Variants in EFHB observed in about 807,000 individuals in gnomAD.
EFHB encodes the protein EF-hand domain-containing family member B.
EFHB carries 91 observed loss-of-function variants against 87.2 expected under a neutral mutation model. The observed-to-expected ratio is 1.04, with a 90% confidence interval of 0.88 to 1.24. The LOEUF (loss-of-function observed/expected upper bound fraction) is 1.24. EFHB is among the 50% of genes most tolerant of loss of function. The probability of loss-of-function intolerance (pLI) is 0.00; values close to 1 mark genes in which losing one functional copy is unlikely to be tolerated. For missense variants in EFHB, 1,084 were observed against 998.8 expected (o/e 1.09, Z -1.15); for synonymous variants, 325 against 333.6 (o/e 0.97, Z 0.28).
At chr3:19,890,377 G>C (rs1482319183) in intron 9 of EFHB, among the ~76,000 whole-genome samples, 3 of 152,148 alleles carry the variant, frequency 2.0e-5, no homozygotes, top group Non-Finnish European at 4.4e-5. Flanking sequence ...AGTGGGGTGA[G>C]ATTCTCACAT....
intron 12 of EFHB, among the ~76,000 whole-genome samples, chr3:19,880,875 C>A (rs2071658387): frequency 6.7e-6 from 1 of 148,542 alleles, no homozygotes. Flanking sequence ...TAAAATGAAA[C>A]TAAATTTAAA....
intron 1 of EFHB, among the ~76,000 whole-genome samples, chr3:19,931,290 T>A (rs1313502368): frequency 6.6e-6 from 1 of 152,196 alleles, no homozygotes; most frequent in East Asian, 1.9e-4. Context: ...TCCTTGACAC[T>A]CTCTTTCTTG....
intron 5 of EFHB, among the ~76,000 whole-genome samples, chr3:19,910,786 G>A (rs1695037122): frequency 6.6e-6 from 1 of 152,202 alleles, no homozygotes; most frequent in Non-Finnish European, 1.5e-5. Context: ...GAAAGTAAAG[G>A]AAAAGAACAT....
At position 19,882,570 on chromosome 3, in the gene EFHB, T is replaced by A. The variant is rs1294921297; in HGVS notation, c.2308A>T (p.Lys770Ter). Reference protein sequence around the residue: ...RKGVFERDFFKTRSKEEIAEI... With the variant: ...RKGVFERDFF ...TATACCTCTTCTTTTGATCTGGTCT[T>A]GAAGAAGTCTCTTTCAAACACTCCT... is the stretch of plus-strand genomic sequence containing the variant. The change falls in exon 12 of 13, where the codon AAG becomes TAG. Residue 770 changes from lysine to a stop codon, truncating the protein, a stop_gained. Coordinates refer to ENST00000295824, the MANE Select transcript of EFHB (RefSeq NM_144715.4). LOFTEE classifies it high-confidence loss of function. The A allele has an allele frequency of 6.2e-7, 1 of 1,608,068 alleles. No homozygotes were observed. The highest frequency in any genetic ancestry group is 1.1e-5 in the South Asian group (1 of 90,016).
chr3:19,899,637 A>C, intron 6 of EFHB, 122 bp from the exon 7 acceptor site: 1 of 563,902 alleles, frequency 1.8e-6, no homozygotes, highest in Non-Finnish European at 2.9e-6. Flanking sequence ...GTAGTTTCAA[A>C]AGAAACTCTC....
At chr3:19,904,389 A>T (rs549236337) in intron 6 of EFHB, among the ~76,000 whole-genome samples, 1 of 152,220 alleles carries the variant, frequency 6.6e-6, no homozygotes, top group African/African-American at 2.4e-5. Context: ...TTTTCCCTAG[A>T]GATGGTGTCT....
intron 3 of EFHB, among the ~76,000 whole-genome samples, chr3:19,918,812 TAAA>T (rs58871755): frequency 3.9e-5 from 5 of 129,776 alleles, no homozygotes; most frequent in Non-Finnish European, 6.6e-5. Context: ...CCATAACTAC[TAAA>T]AAAAAAAAAA....
At chr3:19,941,730 G>A (rs1350713794) in intron 1 of EFHB, among the ~76,000 whole-genome samples, 1 of 151,792 alleles carries the variant, frequency 6.6e-6, no homozygotes, top group African/African-American at 2.4e-5. Context: ...GGTGGTGCAT[G>A]CCTGTAATCC....
chr3:19,899,549 T>C (rs1694600262), intron 6 of EFHB, 34 bp from the exon 7 acceptor site: 2 of 1,518,356 alleles, frequency 1.3e-6, no homozygotes, highest in African/African-American at 2.8e-5. Flanking sequence ...GTATCTCTAT[T>C]ACCTAAAGTA....
Position 19,933,649 on chromosome 3 carries a change from G to C in EFHB, c.370C>G (p.Arg124Gly), listed in dbSNP as rs113286461. The C allele has an allele frequency of 1.4e-5, 23 of 1,613,828 alleles. No individual in the cohort carries two copies. The highest frequency in any genetic ancestry group is 3.3e-5 in the Admixed American group (2 of 60,008). Reference sequence around the variant, plus strand: ...CTGCCCAAAGGAGGCTGTATTATCCGTTCATGGGTATATCCTGCAAGAAGA... The same window carrying C: ...CTGCCCAAAGGAGGCTGTATTATCCCTTCATGGGTATATCCTGCAAGAAGA... ...ESLLAGYTHE[R>G]IIQPPLGRVC... The change falls in exon 1 of 13, where the codon CGG becomes GGG. Residue 124 changes from arginine (R) to glycine (G), a missense_variant. Physicochemically the swap from Arg to Gly is moderately radical, Grantham distance 125 (BLOSUM62 -2). Transcript: ENST00000295824.
At chr3:19,939,186 A>G (rs921872927), upstream of EFHB, among the ~76,000 whole-genome samples, 5 of 151,626 alleles carry the variant, frequency 3.3e-5, no homozygotes, top group Admixed American at 1.3e-4. Context: ...GATTACATGC[A>G]CGAGTCAACA....
intron 10 of EFHB, among the ~76,000 whole-genome samples, chr3:19,886,053 T>G (rs1265104668): frequency 6.6e-6 from 1 of 152,210 alleles, no homozygotes; most frequent in East Asian, 1.9e-4. Context: ...TTAAAATGGC[T>G]GAAGAAATCA....
chr3:19,899,502 T>G lies in EFHB; in HGVS notation c.1432A>C (p.Lys478Gln). 6.2e-7 allele frequency: 1 copy of G among 1,601,148 alleles called. No individual in the cohort carries two copies. The highest frequency in any genetic ancestry group is 1.1e-5 in the South Asian group (1 of 87,746). The part of the protein sequence containing the change: ...LHELQMKRGA[K>Q]FVSKRADDFK... ...TCATCTGCTCTTTTGGATACAAACT[T>G]AGCTCCTCTTTTCCTGCAAAATTAG... Residue 478 changes from lysine to glutamine, a missense_variant, in exon 7 of 13, where the codon AAG becomes CAG. Coordinates refer to ENST00000295824, the MANE Select transcript of EFHB (RefSeq NM_144715.4).
intron 5 of EFHB, 146 bp downstream of exon 5, chr3:19,915,157 C>T (rs1241006382): frequency 1.8e-6 from 1 of 550,842 alleles, no homozygotes; most frequent in Non-Finnish European, 3.2e-6. Flanking sequence ...TCCCAGCTAT[C>T]ATGGTTTATG....
At chr3:19,914,910 G>A (rs1695174202) in intron 5 of EFHB, among the ~76,000 whole-genome samples, 1 of 151,892 alleles carries the variant, frequency 6.6e-6, no homozygotes, top group Admixed American at 6.6e-5. Flanking sequence ...GACAACATAG[G>A]AAGACCTCAT....
At chr3:19,896,604 T>C (rs768451018) in intron 9 of EFHB, 83 bp downstream of exon 9, 4 of 1,555,256 alleles carry the variant, frequency 2.6e-6, no homozygotes, top group South Asian at 1.1e-5. Context: ...CCACAGGCTA[T>C]AGTTTGCTGA....
rs1695939480 is a variant in EFHB at position 19,934,119 on chromosome 3, C to G, written c.-101G>C. ...GCCTCCAATCCCTTGCGGAACCCCT[C>G]TCTCAGGAAAGAGCACAACCTCACT... On this transcript the variant is annotated 5_prime_UTR_variant, in exon 1 of 13. Coordinates refer to ENST00000295824, the MANE Select transcript of EFHB (RefSeq NM_144715.4). The G allele has an allele frequency of 4.8e-6, 7 of 1,466,492 alleles. No individual in the cohort carries two copies. Among genetic ancestry groups the G allele is most frequent in the South Asian group, 4.3e-5 (3 of 70,462 alleles). The allele number at this position is 1,466,492 out of a possible 1,614,324, so 90.8% of individuals were successfully genotyped here.
intron 10 of EFHB, among the ~76,000 whole-genome samples, chr3:19,885,288 A>G (rs1353142237): frequency 6.6e-6 from 1 of 152,078 alleles, no homozygotes; most frequent in Non-Finnish European, 1.5e-5. Context: ...AGCACTATGC[A>G]CTAGGGAGAA....
chr3:19,933,048 G>A (rs1695882727), intron 1 of EFHB, among the ~76,000 whole-genome samples, 182 bp downstream of exon 1: 1 of 152,136 alleles, frequency 6.6e-6, no homozygotes, highest in Admixed American at 6.6e-5. Context: ...TAGGAAGGGA[G>A]GCAGAGAATC....
Sources: gnomAD v4.1 joint callset for allele counts (sites outside exome capture counted in the v4.1 genomes callset) on GRCh38, gnomAD v4.1.1 for gene constraint, MANE v1.5 for transcripts, NCBI Gene and HGNC (gene_info 2026-07-23, HGNC 2026-07-21) for gene names.